The following TCERG1L variants were observed in gnomAD, a reference collection of about 807,000 sequenced individuals.
TCERG1L encodes the protein transcription elongation regulator 1-like protein.
TCERG1L carries 37 observed loss-of-function variants against 56.3 expected under a neutral mutation model. The ratio of observed to expected loss-of-function variants is 0.66; its 90% CI spans 0.51 to 0.87. TCERG1L has a LOEUF of 0.87. Ranked by LOEUF, TCERG1L falls within the 40% of genes least tolerant of loss-of-function variation. TCERG1L has a pLI of 0.00. For synonymous variants in TCERG1L, 324 were observed against 326.3 expected (o/e 0.99, Z 0.08); for missense variants, 799 against 774.2 (o/e 1.03, Z -0.38).
In TCERG1L at chr10:131,267,641, C is replaced by T. The variant is rs145769616; in HGVS notation, c.671-7197G>A. Among the ~76,000 whole-genome samples, 3 of 152,346 alleles carry T rather than the reference C, an allele frequency of 2.0e-5. No individual in the cohort carries two copies. Among genetic ancestry groups the T allele is most frequent in the Non-Finnish European group, 2.9e-5 (2 of 68,036 alleles). ...GCAACTTTGGCCGGGTGCTTATGGGCTCCCAGGACATGGCAGAGTGTGAGG... is the reference window on the plus strand; with the variant it reads ...GCAACTTTGGCCGGGTGCTTATGGGTTCCCAGGACATGGCAGAGTGTGAGG... On this transcript the variant is annotated intron_variant, in intron 3 of 11. Transcript: ENST00000368642. This position sits in a 1 kb window ranked among gnomAD's most constrained non-coding sequence, Gnocchi z 4.9.
intron 6 of TCERG1L, among the ~76,000 whole-genome samples, chr10:131,148,036 C>T (rs1049094724): frequency 2.6e-5 from 4 of 152,202 alleles, no homozygotes; most frequent in Admixed American, 6.5e-5. Flanking sequence ...GAAGGTGTGC[C>T]GGCTCCACTA....
At chr10:131,117,542 G>A (rs1309106980) in intron 8 of TCERG1L, among the ~76,000 whole-genome samples, 1 of 152,230 alleles carries the variant, frequency 6.6e-6, no homozygotes, top group African/African-American at 2.4e-5. Context: ...CCCTGGAGAA[G>A]TTCCCTCCCA....
chr10:131,119,482 T>C (rs1200631911), intron 8 of TCERG1L, among the ~76,000 whole-genome samples: 2 of 152,224 alleles, frequency 1.3e-5, no homozygotes, highest in Non-Finnish European at 2.9e-5. Context: ...TTCCCTGTAA[T>C]AAATTTTCAT....
chr10:131,177,377 GCCCT>G (rs1845114064), intron 4 of TCERG1L, among the ~76,000 whole-genome samples: 1 of 152,242 alleles, frequency 6.6e-6, no homozygotes, highest in Admixed American at 6.5e-5. Context: ...GCTGCTCTGT[GCCCT>G]CCGTGTGCCA....
intron 6 of TCERG1L, among the ~76,000 whole-genome samples, chr10:131,148,405 CAG>C (rs1434961152): frequency 2.2e-4 from 33 of 151,242 alleles, no homozygotes; most frequent in Admixed American, 5.9e-4. Flanking sequence ...CACAGATATA[CAG>C]AGACACACAT....
Position 131,107,670 on chromosome 10 carries a change from C to T in TCERG1L, c.1396-3316G>A, listed in dbSNP as rs978104299. Among the ~76,000 whole-genome samples, 42 of 152,104 alleles carry T rather than the reference C, an allele frequency of 2.8e-4. 1 individual carries two copies. Among genetic ancestry groups the T allele is most frequent in the South Asian group, 2.1e-4 (1 of 4,826 alleles). On this transcript the variant is annotated intron_variant, in intron 9 of 11. Coordinates refer to ENST00000368642, the MANE Select transcript of TCERG1L (RefSeq NM_174937.4). ...GGGAAGCCTGTTGTTCCCGAGCCTG[C>T]GTGAAACACTTACGATGCCCAGAGA...
In TCERG1L at chr10:131,310,729, T is replaced by TCCGGTAACATCCCTCAGTA. The variant is rs1846879275; in HGVS notation, c.342+546_342+564dup. 3.9e-5 allele frequency among the ~76,000 whole-genome samples: 6 copies of TCCGGTAACATCCCTCAGTA among 152,314 alleles called. 1 individual carries two copies. The highest frequency in any genetic ancestry group is 1.4e-4 in the African/African-American group (6 of 41,576). On this transcript the variant is annotated intron_variant, in intron 1 of 11. Coordinates refer to ENST00000368642, the MANE Select transcript of TCERG1L (RefSeq NM_174937.4). ...CCGGCAGGCCTGGGGCAGGGGAATC[T>TCCGGTAACATCCCTCAGTA]CCGGTAACATCCCTCAGTACCGAAG...
chr10:131,144,155 C>T (rs554830553), intron 7 of TCERG1L, among the ~76,000 whole-genome samples: 44 of 152,132 alleles, frequency 2.9e-4, no homozygotes, highest in Non-Finnish European at 4.7e-4. Context: ...AATTCTTCTA[C>T]TTCATTTGCC....
chr10:131,233,097 G>C (rs1845869784), intron 4 of TCERG1L, among the ~76,000 whole-genome samples: 1 of 152,196 alleles, frequency 6.6e-6, no homozygotes, highest in African/African-American at 2.4e-5. Context: ...TAGCGTATGT[G>C]AGGCTCAAGA....
intron 3 of TCERG1L, among the ~76,000 whole-genome samples, chr10:131,286,674 T>TC (rs1846547030): frequency 6.6e-6 from 1 of 152,244 alleles, no homozygotes; most frequent in African/African-American, 2.4e-5. Flanking sequence ...TTAGCTATTC[T>TC]CATAAGATCA....
At chr10:131,115,273 C>A (rs760027715) in intron 9 of TCERG1L, among the ~76,000 whole-genome samples, 8 of 152,274 alleles carry the variant, frequency 5.3e-5, no homozygotes, top group Non-Finnish European at 1.2e-4. Flanking sequence ...CCCCTGGAGC[C>A]CCTCGGGGCA....
intron 5 of TCERG1L, among the ~76,000 whole-genome samples, chr10:131,165,077 G>C (rs1846017404): frequency 6.6e-6 from 1 of 152,228 alleles, no homozygotes; most frequent in South Asian, 2.1e-4. Context: ...AATCTCGCGT[G>C]TCTGTAAGAG....
chr10:131,295,329 G>A (rs552910748), intron 3 of TCERG1L, among the ~76,000 whole-genome samples: 1 of 152,292 alleles, frequency 6.6e-6, no homozygotes, highest in South Asian at 2.1e-4. Flanking sequence ...TGAGATTACT[G>A]GGAACTAGGA....
At chr10:131,176,914 A>ACC (rs1846163162) in intron 4 of TCERG1L, among the ~76,000 whole-genome samples, 6 of 151,258 alleles carry the variant, frequency 4.0e-5, no homozygotes, top group African/African-American at 1.2e-4. Flanking sequence ...TCACACACCA[A>ACC]GATACATGCA....
At chr10:131,196,206 C>G (rs1162766185) in intron 4 of TCERG1L, among the ~76,000 whole-genome samples, 1 of 152,238 alleles carries the variant, frequency 6.6e-6, no homozygotes, top group Admixed American at 6.5e-5. Context: ...TGAGATCGGA[C>G]TTCCGCCACT....
chr10:131,273,037 A>C (rs1846355320), intron 3 of TCERG1L, among the ~76,000 whole-genome samples: 1 of 152,162 alleles, frequency 6.6e-6, no homozygotes, highest in African/African-American at 2.4e-5. Context: ...CTTCAGACAG[A>C]GCAGCAGGGA....
At chr10:131,238,515 G>A (rs148279160) in intron 4 of TCERG1L, among the ~76,000 whole-genome samples, 14 of 152,198 alleles carry the variant, frequency 9.2e-5, no homozygotes, top group Middle Eastern at 3.4e-3. Context: ...TTTCACAAGC[G>A]GACACAAGTA....
intron 10 of TCERG1L, among the ~76,000 whole-genome samples, chr10:131,099,463 A>T (rs1388907937): frequency 6.6e-6 from 1 of 152,246 alleles, no homozygotes; most frequent in Non-Finnish European, 1.5e-5. Flanking sequence ...CATAATAAAA[A>T]TATCAAGAGA....
At position 131,144,301 on chromosome 10, in the gene TCERG1L, T is replaced by C. The variant is rs185594139; in HGVS notation, c.1189+2205A>G. On this transcript the variant is annotated intron_variant, in intron 7 of 11. Coordinates refer to ENST00000368642, the MANE Select transcript of TCERG1L (RefSeq NM_174937.4). ...AAAACAAAACTCTCCACTCAAACCA[T>C]CTCCCCTAGGCTTGTTATCATAATT... is the stretch of plus-strand genomic sequence containing the variant. 2.1e-3 allele frequency among the ~76,000 whole-genome samples: 327 copies of C among 152,154 alleles called. 1 individual carries two copies. Among genetic ancestry groups the C allele is most frequent in the Non-Finnish European group, 3.3e-3 (223 of 67,994 alleles).
Sources: gnomAD v4.1 joint callset for allele counts (sites outside exome capture counted in the v4.1 genomes callset) on GRCh38, gnomAD v4.1.1 for gene constraint, Gnocchi (gnomAD v3.1) non-coding constraint, MANE v1.5 for transcripts, NCBI Gene and HGNC (gene_info 2026-07-23, HGNC 2026-07-21) for gene names.